Variants in PI4KA observed in about 807,000 individuals in gnomAD.
PI4KA encodes PI4-kinase alpha.
PI4KA carries 122 observed loss-of-function variants against 271.4 expected under a neutral mutation model. That is an observed-to-expected ratio of 0.45 (90% CI 0.39 to 0.52). PI4KA has a LOEUF of 0.52. Ranked by LOEUF, PI4KA falls within the 20% of genes least tolerant of loss-of-function variation. The pLI is 0.00. For synonymous variants in PI4KA, 1,041 were observed against 1,078.8 expected, an observed-to-expected ratio of 0.96 and a Z score of 0.69; for missense variants, 1,969 against 2,769.1, an observed-to-expected ratio of 0.71 and a Z score of 6.48.
chr22:20,736,689 A>G (rs560804940), intron 32 of PI4KA: 2 of 156,314 alleles, frequency 1.3e-5, no homozygotes, highest in Non-Finnish European at 2.8e-5. Flanking sequence ...TGGCATCTAC[A>G]GTGAAGGGAG....
intron 23 of PI4KA, among the ~76,000 whole-genome samples, chr22:20,758,777 A>G (rs963459028): frequency 6.6e-6 from 1 of 152,098 alleles, no homozygotes; most frequent in African/African-American, 2.4e-5. Context: ...CCCCTCTGGA[A>G]GAGGCTTCTC....
rs181592065 is a variant in PI4KA, at chr22:20,801,311, C to T, written c.1724+662G>A. Among the ~76,000 whole-genome samples the T allele has an allele frequency of 2.6e-5, 4 of 152,124 alleles. No individual in the cohort carries two copies. In the East Asian group the frequency reaches 7.8e-4, roughly 30 times the overall value. ...TTAAAAAAGTATAAATGCAGCCAGGCACGGTGGCTCACGCTTGTAATCCCA... is the reference window on the plus strand; with the variant it reads ...TTAAAAAAGTATAAATGCAGCCAGGTACGGTGGCTCACGCTTGTAATCCCA... On this transcript the variant is annotated intron_variant, in intron 14 of 54. Coordinates refer to ENST00000255882, the MANE Select transcript of PI4KA (RefSeq NM_058004.4).
intron 19 of PI4KA, chr22:20,785,965 G>T: frequency 1.9e-6 from 3 of 1,613,974 alleles, no homozygotes; most frequent in Non-Finnish European, 2.5e-6. Flanking sequence ...GTAACTTGTG[G>T]TTCAATAAAA....
intron 3 of PI4KA, among the ~76,000 whole-genome samples, chr22:20,830,212 T>A (rs1490307238): frequency 6.6e-6 from 1 of 152,238 alleles, no homozygotes; most frequent in Non-Finnish European, 1.5e-5. Flanking sequence ...GCCCTGATGA[T>A]CTGTCTAACA....
intron 7 of PI4KA, among the ~76,000 whole-genome samples, chr22:20,814,005 G>A (rs938104126): frequency 1.3e-5 from 2 of 152,068 alleles, no homozygotes; most frequent in African/African-American, 4.8e-5. Context: ...CGCCATGTTG[G>A]CCAGGCTAGT....
At chr22:20,735,395 C>T (rs1928589550) in intron 32 of PI4KA, among the ~76,000 whole-genome samples, 2 of 146,380 alleles carry the variant, frequency 1.4e-5, no homozygotes, top group East Asian at 2.0e-4. Flanking sequence ...GTAGAACACA[C>T]ACCGCGGCTC....
chr22:20,710,565 G>A, intron 52 of PI4KA, 134 bp downstream of exon 52: 1 of 760,534 alleles, frequency 1.3e-6, no homozygotes, highest in Non-Finnish European at 2.2e-6. Context: ...GTGACCAAAG[G>A]ACAGGTGTAG....
chr22:20,804,798 G>A (rs557403034), intron 11 of PI4KA, among the ~76,000 whole-genome samples, 176 bp downstream of exon 11: 3 of 152,370 alleles, frequency 2.0e-5, no homozygotes, highest in South Asian at 2.1e-4. Flanking sequence ...GACACCAGAC[G>A]TGCAGAGCAC....
At chr22:20,786,813 C>T (rs1467924850) in intron 19 of PI4KA, 1 of 1,484,404 alleles carries the variant, frequency 6.7e-7, no homozygotes, top group Non-Finnish European at 9.4e-7. Flanking sequence ...TGAGATTGTG[C>T]TGGGAACTCT....
Position 20,813,446 on chromosome 22 carries a change from G to A in PI4KA, c.917C>T (p.Ser306Phe). 2.5e-6 allele frequency: 4 copies of A among 1,613,756 alleles called. No individual in the cohort carries two copies. The highest frequency in any genetic ancestry group is 1.1e-5 in the South Asian group (1 of 91,070). ...EPEYYFSTIS[S>F]SFSVSPLFNG... The stretch of plus-strand genomic sequence containing the variant: ...GAAAAGGGGAGAGACTGAGAAGCTG[G>A]AGCTGATGGTTGAAAAGTAGTACTC... The change falls in exon 8 of 55, where the codon TCC becomes TTC. Residue 306 changes from serine to phenylalanine, a missense_variant. Coordinates refer to ENST00000255882, the MANE Select transcript of PI4KA (RefSeq NM_058004.4).
intron 2 of PI4KA, among the ~76,000 whole-genome samples, chr22:20,837,756 C>G (rs1292703037): frequency 6.6e-6 from 1 of 152,040 alleles, no homozygotes; most frequent in Non-Finnish European, 1.5e-5. Flanking sequence ...TACACATACA[C>G]AACAGTCACA....
chr22:20,726,317 T>G (rs1601341796), intron 42 of PI4KA, 171 bp downstream of exon 42: 1 of 530,182 alleles, frequency 1.9e-6, no homozygotes, highest in African/African-American at 2.0e-5. Context: ...TGAACATGGG[T>G]ATCAAGGGAC....
At position 20,784,030 on chromosome 22, in the gene PI4KA, T is replaced by C. The variant is rs144743783; in HGVS notation, c.2328+9163A>G. 37 of 1,613,894 alleles carry C rather than the reference T, an allele frequency of 2.3e-5. No individual in the cohort carries two copies. The African/African-American group carries it at 4.4e-4, about 19-fold the overall frequency. Reference sequence around the variant, plus strand: ...CACACAACCACAACTTCCGGCTGAATGAGAGAGAGGTAGTTAAGGTTTCCA... The same window carrying C: ...CACACAACCACAACTTCCGGCTGAACGAGAGAGAGGTAGTTAAGGTTTCCA... On this transcript the variant is annotated intron_variant, in intron 19 of 54. Transcript: ENST00000255882.
chr22:20,718,822 G>A lies in PI4KA; in HGVS notation c.5117C>T (p.Pro1706Leu). 6 of 1,613,720 alleles carry A rather than the reference G, an allele frequency of 3.7e-6. No individual in the cohort carries two copies. The highest frequency in any genetic ancestry group is 5.1e-6 in the Non-Finnish European group (6 of 1,179,920). The change falls in exon 44 of 55, where the codon CCT becomes CTT. Residue 1706 changes from proline (P) to leucine (L), a missense_variant and splice_region_variant. By Grantham distance (98) the Pro-to-Leu change is moderately conservative (BLOSUM62 -3). This residue lies in a region of PI4KA where 388 missense variants were observed against 521.5 expected (regional missense o/e 0.74). Transcript: ENST00000255882. ...CTGATCCAGGAGGTCGCCGATGTCA[G>A]CTGCCAAGGAAGCAAAGAGGCTTAA... ...YLDEEGHQKD[P>L]DIGDLLDQLV...
intron 42 of PI4KA, among the ~76,000 whole-genome samples, chr22:20,723,034 CCT>C (rs1491277689): frequency 1.5e-4 from 23 of 151,454 alleles, no homozygotes; most frequent in African/African-American, 5.6e-4. Flanking sequence ...ATTTACTGTT[CCT>C]TTTTTTTTTT....
In PI4KA at chr22:20,796,172, C is replaced by T. The variant is rs1934974022; in HGVS notation, c.2251G>A (p.Ala751Thr). ...GLEGKRASER[A>T]SEKGPALKAS... ...TTTAGGGCAGGGCCCTTCTCGCTTGCCCTCTCGCTGGCTCGCTTCCCCTCC... is the reference window on the plus strand; with the variant it reads ...TTTAGGGCAGGGCCCTTCTCGCTTGTCCTCTCGCTGGCTCGCTTCCCCTCC... The change falls in exon 18 of 55, where the codon GCA becomes ACA. Residue 751 changes from alanine (A) to threonine (T), a missense_variant. Coordinates refer to ENST00000255882, the MANE Select transcript of PI4KA (RefSeq NM_058004.4). 4.3e-6 allele frequency: 7 copies of T among 1,613,806 alleles called. No individual in the cohort carries two copies. The highest frequency in any genetic ancestry group is 1.3e-5 in the African/African-American group (1 of 74,928).
intron 6 of PI4KA, among the ~76,000 whole-genome samples, chr22:20,819,304 G>GTT (rs140229484): frequency 1.9e-4 from 27 of 144,834 alleles, no homozygotes; most frequent in African/African-American, 3.5e-4. Flanking sequence ...TAAAGGAGTG[G>GTT]TTTTTTTTTT....
intron 1 of PI4KA, among the ~76,000 whole-genome samples, chr22:20,850,587 G>A (rs1926841544): frequency 6.6e-6 from 1 of 151,780 alleles, no homozygotes. Flanking sequence ...GGGACTACAG[G>A]CCACCACGCC....
intron 29 of PI4KA, among the ~76,000 whole-genome samples, chr22:20,745,008 C>G (rs1929896305): frequency 6.6e-6 from 1 of 152,080 alleles, no homozygotes; most frequent in South Asian, 2.1e-4. Flanking sequence ...GCAATGTCAC[C>G]TGTGATGGAA....
Sources: allele counts gnomAD v4.1 joint callset (sites outside exome capture counted in the v4.1 genomes callset), GRCh38; gene constraint gnomAD v4.1.1; regional missense constraint gnomAD v4.1.1; transcripts MANE v1.5; gene names NCBI Gene and HGNC (gene_info 2026-07-23, HGNC 2026-07-21).